The following TRIT1 variants were observed in gnomAD, a reference collection of about 807,000 sequenced individuals.
TRIT1 encodes the protein tRNA isopentenyltransferase 1, also known as tRNA dimethylallyltransferase.
A neutral mutation model predicts 51.2 loss-of-function variants in TRIT1; 43 were observed. That is an observed-to-expected ratio of 0.84 (90% CI 0.66 to 1.08). The LOEUF (loss-of-function observed/expected upper bound fraction) is 1.08, where lower values mean the gene tolerates loss of function less well. Among genes scored for constraint, TRIT1 ranks in the 50% least tolerant of loss-of-function variants. The probability of loss-of-function intolerance (pLI) is 0.00; values close to 1 mark genes in which losing one functional copy is unlikely to be tolerated. For missense variants in TRIT1, 528 were observed against 578.4 expected, an observed-to-expected ratio of 0.91 and a Z score of 0.89; for synonymous variants, 184 against 203.9, an observed-to-expected ratio of 0.90 and a Z score of 0.83.
chr1:39,857,161 GTA>G, intron 2 of TRIT1, 114 bp downstream of exon 2: 2 of 1,193,514 alleles, frequency 1.7e-6, no homozygotes, highest in Non-Finnish European at 2.3e-6. Context: ...GCATCCATCA[GTA>G]TTTAGGCCTT....
At chr1:39,845,043 C>T (rs1642147612) in intron 8 of TRIT1, among the ~76,000 whole-genome samples, 1 of 152,236 alleles carries the variant, frequency 6.6e-6, no homozygotes. Context: ...AGAGAATTCA[C>T]AGCTTTCTTT....
intron 1 of TRIT1, among the ~76,000 whole-genome samples, chr1:39,882,605 A>G (rs560936947): frequency 3.1e-4 from 47 of 152,326 alleles, no homozygotes; most frequent in African/African-American, 1.1e-3. Context: ...ATCAGCCATT[A>G]TGATTTAAAA....
rs755701105 is a variant in TRIT1, at chr1:39,852,840, T to A, written c.451A>T (p.Lys151Ter). 6.2e-7 allele frequency: 1 copy of A among 1,614,218 alleles called. No homozygotes were observed. The highest frequency in any genetic ancestry group is 1.1e-5 in the South Asian group (1 of 91,088). ...CCATCCTCCTTTTCAAGCTCCACTT[T>A]TCGGTCAATCACTTTCTCAGTGCCC... ...EMGTEKVIDR[K>*]VELEKEDGLV... The change falls in exon 4 of 11, where the codon AAA (lysine) becomes TAA (stop). Residue 151 changes from lysine (K) to a stop codon, truncating the protein, a stop_gained. Transcript: ENST00000316891. LOFTEE classifies it high-confidence loss of function.
chr1:39,876,618 T>A (rs1644065080), intron 1 of TRIT1, among the ~76,000 whole-genome samples: 1 of 152,010 alleles, frequency 6.6e-6, no homozygotes, highest in Non-Finnish European at 1.5e-5. Context: ...CTCTTGTAAG[T>A]CTCAGTCCTT....
At chr1:39,844,304 A>C in intron 9 of TRIT1, 86 bp from the exon 10 acceptor site, 1 of 1,236,782 alleles carries the variant, frequency 8.1e-7, no homozygotes, top group Non-Finnish European at 1.2e-6. Context: ...TTTTCCTAAA[A>C]TTCCTTTTTC....
chr1:39,844,469 G>A, intron 9 of TRIT1, 62 bp downstream of exon 9: 1 of 1,282,988 alleles, frequency 7.8e-7, no homozygotes, highest in Non-Finnish European at 1.1e-6. Flanking sequence ...AGCAACAAAG[G>A]TGTCAGCTAA....
At chr1:39,875,746 C>T (rs1400424195) in intron 1 of TRIT1, among the ~76,000 whole-genome samples, 1 of 151,742 alleles carries the variant, frequency 6.6e-6, no homozygotes, top group East Asian at 1.9e-4. Context: ...ATAAAATGTA[C>T]ACAGTGGTAC....
At position 39,841,711 on chromosome 1, in the gene TRIT1, C is replaced by G; in HGVS notation, c.*33G>C. The G allele has an allele frequency of 1.3e-6, 2 of 1,586,912 alleles. No homozygotes were observed. Among genetic ancestry groups the G allele is most frequent in the South Asian group, 2.3e-5 (2 of 85,974 alleles). On this transcript the variant is annotated 3_prime_UTR_variant, in exon 11 of 11. Coordinates refer to ENST00000316891, the MANE Select transcript of TRIT1 (RefSeq NM_017646.6). ...ACCCCTCCCTCCTGAACTGGATCCCCACCACCTTTCCAAAGGCCACTGGAC... is the reference window on the plus strand; with the variant it reads ...ACCCCTCCCTCCTGAACTGGATCCCGACCACCTTTCCAAAGGCCACTGGAC...
At chr1:39,853,945 T>C in intron 3 of TRIT1, 25 bp downstream of exon 3, 1 of 1,498,778 alleles carries the variant, frequency 6.7e-7, no homozygotes, top group Non-Finnish European at 9.2e-7. Flanking sequence ...ATTTCCTCAG[T>C]GAGTTACGAG....
At chr1:39,859,405 G>A (rs184471855) in intron 1 of TRIT1, among the ~76,000 whole-genome samples, 13 of 150,162 alleles carry the variant, frequency 8.7e-5, no homozygotes, top group African/African-American at 2.4e-4. Context: ...GGGAGACATG[G>A]CTAAACTGCG....
chr1:39,860,739 T>G (rs1643190962), intron 1 of TRIT1, among the ~76,000 whole-genome samples: 1 of 152,206 alleles, frequency 6.6e-6, no homozygotes, highest in Non-Finnish European at 1.5e-5. Context: ...CATTTCATTA[T>G]TTGCCCTTCT....
chr1:39,844,684 C>T (rs1642126546), intron 8 of TRIT1, 44 bp from the exon 9 acceptor site: 3 of 1,393,770 alleles, frequency 2.2e-6, no homozygotes, highest in Non-Finnish European at 3.1e-6. Flanking sequence ...GCCTCAAACC[C>T]AATCTATTCT....
intron 1 of TRIT1, among the ~76,000 whole-genome samples, chr1:39,861,903 A>C (rs1643267847): frequency 6.6e-6 from 1 of 151,360 alleles, no homozygotes; most frequent in African/African-American, 2.4e-5. Flanking sequence ...CAGCCTGGGC[A>C]AGAGAGCAAG....
At position 39,857,287 on chromosome 1, in the gene TRIT1, G is replaced by A. The variant is rs764671856; in HGVS notation, c.305C>T (p.Ala102Val). ...CTTTCCTAAGGATATCAGAGCAGTTGCTCTATTTCTGAAGTCCACCACTGT... is the reference window on the plus strand; with the variant it reads ...CTTTCCTAAGGATATCAGAGCAGTTACTCTATTTCTGAAGTCCACCACTGT... ...NYTVVDFRNR[A>V]TALIEDIFAR... The change falls in exon 2 of 11, where the codon GCA becomes GTA. Residue 102 changes from alanine (A) to valine (V), a missense_variant. Transcript: ENST00000316891. The A allele has an allele frequency of 1.2e-6, 2 of 1,610,964 alleles. No individual in the cohort carries two copies. The highest frequency in any genetic ancestry group is 2.2e-5 in the South Asian group (2 of 90,524).
chr1:39,841,920 AG>A lies in TRIT1; in HGVS notation c.1235-8del. The A allele has an allele frequency of 6.3e-7, 1 of 1,594,520 alleles. No homozygotes were observed. Among genetic ancestry groups the A allele is most frequent in the Non-Finnish European group, 8.5e-7 (1 of 1,173,842 alleles). ...GATTTGGATTTTATGTGCGCTGATA[AG>A]ACAAAATCAAACCAAACAAACAAAA... On this transcript the variant is annotated splice_region_variant and splice_polypyrimidine_tract_variant and intron_variant, in intron 10 of 10. Coordinates refer to ENST00000316891, the MANE Select transcript of TRIT1 (RefSeq NM_017646.6).
intron 1 of TRIT1, among the ~76,000 whole-genome samples, chr1:39,878,230 T>A (rs569331369): frequency 6.6e-6 from 1 of 152,206 alleles, no homozygotes; most frequent in Non-Finnish European, 1.5e-5. Context: ...TACCTTCAGA[T>A]GCTAGATGGC....
rs544079111 is a variant in TRIT1, at chr1:39,840,788, T to G, written c.*956A>C. Among the ~76,000 whole-genome samples the G allele has an allele frequency of 2.9e-4, 44 of 152,310 alleles. No homozygotes were observed. Among genetic ancestry groups the G allele is most frequent in the African/African-American group, 1.0e-3 (43 of 41,560 alleles). On this transcript the variant is annotated 3_prime_UTR_variant, in exon 11 of 11. Coordinates refer to ENST00000316891, the MANE Select transcript of TRIT1 (RefSeq NM_017646.6). ...TGCTATATTTGATGTTATATATAAATAAGTATCTGTTTAACATTGCTGGCA... is the reference window on the plus strand; with the variant it reads ...TGCTATATTTGATGTTATATATAAAGAAGTATCTGTTTAACATTGCTGGCA...
intron 4 of TRIT1, among the ~76,000 whole-genome samples, chr1:39,851,948 TAAA>T (rs34860273): frequency 7.9e-6 from 1 of 126,340 alleles, no homozygotes. Flanking sequence ...CTCTATCTCT[TAAA>T]AAAAAAAAAA....
At chr1:39,853,543 G>A (rs1046868129) in intron 3 of TRIT1, among the ~76,000 whole-genome samples, 2 of 151,840 alleles carry the variant, frequency 1.3e-5, no homozygotes, top group African/African-American at 2.4e-5. Flanking sequence ...TTACAGGTGC[G>A]TGCCACCATG....
Sources: gnomAD v4.1 joint callset for allele counts (sites outside exome capture counted in the v4.1 genomes callset) on GRCh38, gnomAD v4.1.1 for gene constraint, MANE v1.5 for transcripts, NCBI Gene and HGNC (gene_info 2026-07-23, HGNC 2026-07-21) for gene names.